Variants in HINT3 observed in about 807,000 individuals in gnomAD.
HINT3 encodes the protein histidine triad nucleotide binding protein 3.
A neutral mutation model predicts 19.1 loss-of-function variants in HINT3; 16 were observed. The ratio of observed to expected loss-of-function variants is 0.84; its 90% CI spans 0.57 to 1.27. The LOEUF is 1.27. HINT3 is among the 50% of genes most tolerant of loss of function. The pLI, the probability that HINT3 is intolerant of heterozygous loss-of-function variation, is 0.00. For synonymous variants in HINT3, 75 were observed against 84.8 expected (o/e 0.88, Z 0.63); for missense variants, 197 against 225.8 (o/e 0.87, Z 0.82).
In HINT3 at chr6:125,966,917, A is replaced by T; in HGVS notation, c.232A>T (p.Lys78Ter). ...GGACCTAATTTGCTTCAAAGATATC[A>T]AACCAGCAGCAACTCATCATTATCT... ...NEDLICFKDI[K>*]PAATHHYLVV... The change falls in exon 2 of 5, where the codon AAA (lysine) becomes TAA (stop). Residue 78 changes from lysine to a stop codon, truncating the protein, a stop_gained. Coordinates refer to ENST00000229633, the MANE Select transcript of HINT3 (RefSeq NM_138571.5). LOFTEE classifies it high-confidence loss of function. The T allele has an allele frequency of 6.2e-7, 1 of 1,612,836 alleles. No individual in the cohort carries two copies. The highest frequency in any genetic ancestry group is 8.5e-7 in the Non-Finnish European group (1 of 1,179,478).
chr6:125,970,404 G>A (rs1340376284), intron 2 of HINT3, among the ~76,000 whole-genome samples: 1 of 152,010 alleles, frequency 6.6e-6, no homozygotes, highest in Non-Finnish European at 1.5e-5. Flanking sequence ...TCACACTTTA[G>A]CTTTTTAGGA....
At chr6:125,962,877 A>G (rs1334849469) in intron 1 of HINT3, among the ~76,000 whole-genome samples, 2 of 152,198 alleles carry the variant, frequency 1.3e-5, no homozygotes, top group Admixed American at 1.3e-4. Flanking sequence ...ATACATAAAC[A>G]GAGAGTGTAG....
At chr6:125,971,702 CTTTTTTTTTTTTTTT>C (rs142105115) in intron 2 of HINT3, among the ~76,000 whole-genome samples, 1 of 59,628 alleles carries the variant, frequency 1.7e-5, no homozygotes, top group African/African-American at 7.7e-5. Context: ...GCCTGGCTAC[CTTTTTTTTTTTTTTT>C]TTTTTTTTTT....
At chr6:125,973,304 C>T (rs1218562651) in intron 3 of HINT3, among the ~76,000 whole-genome samples, 3 of 152,024 alleles carry the variant, frequency 2.0e-5, no homozygotes, top group Non-Finnish European at 2.9e-5. Context: ...GTCTCGAACT[C>T]CTGACATCAA....
chr6:125,973,065 CTT>C (rs869084942), intron 3 of HINT3, among the ~76,000 whole-genome samples: 44 of 74,468 alleles, frequency 5.9e-4, no homozygotes, highest in African/African-American at 2.1e-3. Flanking sequence ...AATTTTTCAA[CTT>C]TTTTTTTTTT....
chr6:125,975,048 A>G, intron 4 of HINT3, 75 bp downstream of exon 4: 2 of 1,410,720 alleles, frequency 1.4e-6, no homozygotes, highest in Non-Finnish European at 2.0e-6. Flanking sequence ...TTTCTTCTCA[A>G]CAGTAGGCAC....
chr6:125,959,796 G>A (rs1788891525), intron 1 of HINT3, among the ~76,000 whole-genome samples: 1 of 152,166 alleles, frequency 6.6e-6, no homozygotes, highest in Non-Finnish European at 1.5e-5. Context: ...ATGGCCCGGC[G>A]GGTAGAATGT....
chr6:125,957,246 C>T (rs993259149), intron 1 of HINT3, 68 bp downstream of exon 1: 72 of 1,452,122 alleles, frequency 5.0e-5, no homozygotes, highest in Non-Finnish European at 6.4e-5. Flanking sequence ...GGCAGGGAGG[C>T]CTCGCCGTTG....
intron 3 of HINT3, among the ~76,000 whole-genome samples, chr6:125,974,544 G>C (rs1057326230): frequency 1.3e-5 from 2 of 152,194 alleles, no homozygotes; most frequent in African/African-American, 2.4e-5. Context: ...AGCTTACGAT[G>C]ATAAAGACTG....
At position 125,977,675 on chromosome 6, in the gene HINT3, GA is replaced by G; in HGVS notation, c.*3del. On this transcript the variant is annotated frameshift_variant and stop_lost, in exon 5 of 5. Coordinates refer to ENST00000229633, the MANE Select transcript of HINT3 (RefSeq NM_138571.5). LOFTEE classifies it high-confidence loss of function. ...CACTTGATTGAAAAACTAAGAACAT[GA>G]AAATGTCAAGAGTGGAAGATTTTTC... The part of the protein sequence containing the change: ...ADHLIEKLRT[*>X] The G allele has an allele frequency of 2.0e-6, 3 of 1,518,422 alleles. No homozygotes were observed. Among genetic ancestry groups the G allele is most frequent in the East Asian group, 2.5e-5 (1 of 40,756 alleles). 94.1% of individuals were successfully genotyped at this position (1,518,422 alleles called of 1,614,324 possible).
At position 125,977,724 on chromosome 6, in the gene HINT3, G is replaced by C. The variant is rs764561469; in HGVS notation, c.*48G>C. ...TTCTAATCTTGGTTCAGCATGAAGT[G>C]GTATTTAGGTCCCTTTTAAGTCTAA... On this transcript the variant is annotated 3_prime_UTR_variant, in exon 5 of 5. Transcript: ENST00000229633. 1.8e-6 allele frequency: 2 copies of C among 1,139,830 alleles called. No homozygotes were observed. The highest frequency in any genetic ancestry group is 2.5e-6 in the Non-Finnish European group (2 of 800,388). The allele number at this position is 1,139,830 out of a possible 1,614,324, so 70.6% of individuals were successfully genotyped here.
intron 2 of HINT3, among the ~76,000 whole-genome samples, 173 bp downstream of exon 2, chr6:125,967,177 C>T (rs758877327): frequency 1.3e-5 from 2 of 152,062 alleles, no homozygotes; most frequent in Middle Eastern, 3.2e-3. Context: ...GTATAATACT[C>T]GTGTATTCAT....
At position 125,978,561 on chromosome 6, in the gene HINT3, T is replaced by C. The variant is rs568424511; in HGVS notation, c.*885T>C. 6.6e-6 allele frequency: 1 copy of C among 152,326 alleles called. No individual in the cohort carries two copies. The highest frequency in any genetic ancestry group is 1.9e-4 in the East Asian group (1 of 5,190). The allele number at this position is 152,326 out of a possible 1,614,324, so 9.4% of individuals were successfully genotyped here. A position where few individuals can be genotyped will look rare whatever the true frequency, so the allele number is the denominator to read the frequency against. On this transcript the variant is annotated 3_prime_UTR_variant, in exon 5 of 5. Coordinates refer to ENST00000229633, the MANE Select transcript of HINT3 (RefSeq NM_138571.5). ...ACGCAATGTTAATACTATTGATATTTCATAGGTATATTTTGTTAGAAATTG... is the reference window on the plus strand; with the variant it reads ...ACGCAATGTTAATACTATTGATATTCCATAGGTATATTTTGTTAGAAATTG...
At position 125,977,690 on chromosome 6, in the gene HINT3, G is replaced by A; in HGVS notation, c.*14G>A. 2 of 1,485,340 alleles carry A rather than the reference G, an allele frequency of 1.3e-6. No individual in the cohort carries two copies. The highest frequency in any genetic ancestry group is 1.8e-6 in the Non-Finnish European group (2 of 1,096,528). The allele number at this position is 1,485,340 out of a possible 1,614,324, so 92.0% of individuals were successfully genotyped here. On this transcript the variant is annotated 3_prime_UTR_variant, in exon 5 of 5. Transcript: ENST00000229633. ...CTAAGAACATGAAAATGTCAAGAGT[G>A]GAAGATTTTTCTAATCTTGGTTCAG...
At chr6:125,973,431 C>T (rs1789138154) in intron 3 of HINT3, among the ~76,000 whole-genome samples, 1 of 151,984 alleles carries the variant, frequency 6.6e-6, no homozygotes, top group Non-Finnish European at 1.5e-5. Context: ...AAAAGGTTTC[C>T]AATTTTGCTT....
intron 2 of HINT3, among the ~76,000 whole-genome samples, chr6:125,970,739 T>C (rs1025684781): frequency 3.9e-5 from 6 of 152,190 alleles, no homozygotes; most frequent in African/African-American, 1.4e-4. Context: ...AAAGCATATG[T>C]TCACCAAAGT....
intron 1 of HINT3, among the ~76,000 whole-genome samples, chr6:125,962,759 G>C (rs1436475039): frequency 1.3e-5 from 2 of 151,958 alleles, no homozygotes; most frequent in Non-Finnish European, 2.9e-5. Flanking sequence ...CTAAGCAAAG[G>C]CTGAACCATG....
chr6:125,968,044 A>G (rs552871944), intron 2 of HINT3, among the ~76,000 whole-genome samples: 1 of 152,362 alleles, frequency 6.6e-6, no homozygotes, highest in East Asian at 1.9e-4. Context: ...TTGATGGTAC[A>G]TGAGCAGGTT....
chr6:125,967,911 G>T (rs968586870), intron 2 of HINT3, among the ~76,000 whole-genome samples: 1 of 152,152 alleles, frequency 6.6e-6, no homozygotes, highest in Non-Finnish European at 1.5e-5. Context: ...TCTGTGGCTT[G>T]TCACCTATCA....
Sources: gnomAD v4.1 joint callset for allele counts (sites outside exome capture counted in the v4.1 genomes callset) on GRCh38, gnomAD v4.1.1 for gene constraint, MANE v1.5 for transcripts, NCBI Gene and HGNC (gene_info 2026-07-23, HGNC 2026-07-21) for gene names.